The following STARD3NL variants were observed in gnomAD, a reference collection of about 807,000 sequenced individuals.
The protein encoded by STARD3NL is STARD3 N-terminal-like protein.
STARD3NL carries 17 observed loss-of-function variants against 30.9 expected under a neutral mutation model. The observed-to-expected ratio is 0.55, with a 90% CI of 0.38 to 0.82. STARD3NL has a LOEUF of 0.82. Ranked by LOEUF, STARD3NL falls within the 40% of genes least tolerant of loss-of-function variation. The pLI is 0.00. For synonymous variants in STARD3NL, 112 were observed against 100.5 expected (o/e 1.11, Z -0.69); for missense variants, 234 against 277.6 (o/e 0.84, Z 1.12).
chr7:38,192,839 A>G (rs781431924), intron 1 of STARD3NL, among the ~76,000 whole-genome samples: 1 of 151,986 alleles, frequency 6.6e-6, no homozygotes, highest in Non-Finnish European at 1.5e-5. Context: ...CTTTCCACAC[A>G]TATAGCCCCT....
chr7:38,229,588 T>G (rs1786981258), intron 8 of STARD3NL, among the ~76,000 whole-genome samples: 1 of 152,168 alleles, frequency 6.6e-6, no homozygotes, highest in Admixed American at 6.5e-5. Flanking sequence ...TGTGAGTCAT[T>G]GGGAAGCTGG....
chr7:38,203,152 G>A (rs933854900), intron 1 of STARD3NL, among the ~76,000 whole-genome samples: 6 of 152,104 alleles, frequency 3.9e-5, no homozygotes, highest in African/African-American at 1.2e-4. Context: ...GATACTCCTC[G>A]AGAAGAGCAA....
At chr7:38,204,138 A>G (rs1785325971) in intron 1 of STARD3NL, among the ~76,000 whole-genome samples, 1 of 152,220 alleles carries the variant, frequency 6.6e-6, no homozygotes, top group Non-Finnish European at 1.5e-5. Context: ...AGCAAACCTA[A>G]TAGACGTCTA....
At chr7:38,182,411 C>T (rs1257549081) in intron 1 of STARD3NL, among the ~76,000 whole-genome samples, 4 of 152,130 alleles carry the variant, frequency 2.6e-5, no homozygotes, top group African/African-American at 7.2e-5. Context: ...ATACTAACAA[C>T]GATTTCCACT....
intron 1 of STARD3NL, among the ~76,000 whole-genome samples, chr7:38,189,380 A>G (rs1412978168): frequency 6.6e-6 from 1 of 152,214 alleles, no homozygotes; most frequent in Non-Finnish European, 1.5e-5. Flanking sequence ...TGAAATGTGC[A>G]TCCAAGTGTA....
chr7:38,179,381 C>T (rs775539910), intron 1 of STARD3NL, among the ~76,000 whole-genome samples: 1 of 152,144 alleles, frequency 6.6e-6, no homozygotes, highest in African/African-American at 2.4e-5. Context: ...AATATGTTGT[C>T]GTGTAGAAGT....
intron 7 of STARD3NL, among the ~76,000 whole-genome samples, chr7:38,222,141 TCACACACACACACACACACACA>T (rs3223376): frequency 2.1e-5 from 3 of 144,304 alleles, no homozygotes; most frequent in East Asian, 2.1e-4. Flanking sequence ...GTTAATATTT[TCACACACACACACACACACACA>T]CACACACACA....
intron 7 of STARD3NL, among the ~76,000 whole-genome samples, chr7:38,226,054 A>G (rs943987776): frequency 6.0e-5 from 9 of 151,252 alleles, no homozygotes; most frequent in Admixed American, 4.6e-4. Context: ...GAGCACTTCA[A>G]CTTTTCTTCA....
At chr7:38,186,290 T>G (rs1784453890) in intron 1 of STARD3NL, among the ~76,000 whole-genome samples, 1 of 152,218 alleles carries the variant, frequency 6.6e-6, no homozygotes, top group Admixed American at 6.5e-5. Context: ...CATCAGGTAT[T>G]TTATAACTGA....
chr7:38,217,620 T>C (rs1341496512), intron 6 of STARD3NL, among the ~76,000 whole-genome samples: 1 of 152,270 alleles, frequency 6.6e-6, no homozygotes, highest in African/African-American at 2.4e-5. Context: ...GGTTGTTCTT[T>C]TCTCCCTGTT....
intron 2 of STARD3NL, among the ~76,000 whole-genome samples, chr7:38,211,259 A>G (rs907340649): frequency 2.6e-5 from 4 of 152,212 alleles, no homozygotes; most frequent in Admixed American, 2.0e-4. Flanking sequence ...GATGAGGTAG[A>G]TCAGTGGCTT....
At chr7:38,218,692 C>A (rs955291615) in intron 6 of STARD3NL, among the ~76,000 whole-genome samples, 5 of 152,206 alleles carry the variant, frequency 3.3e-5, no homozygotes, top group African/African-American at 1.2e-4. Flanking sequence ...CCTGGTGCTT[C>A]CTCCGACTTT....
chr7:38,210,750 T>C (rs902431594), intron 2 of STARD3NL, among the ~76,000 whole-genome samples: 15 of 152,178 alleles, frequency 9.9e-5, no homozygotes, highest in Admixed American at 2.0e-4. Context: ...TTGAAAGGAA[T>C]TTGGTTTTCT....
intron 7 of STARD3NL, among the ~76,000 whole-genome samples, chr7:38,225,172 C>A (rs1786684901): frequency 6.6e-6 from 1 of 152,084 alleles, no homozygotes; most frequent in African/African-American, 2.4e-5. Context: ...TATCTCAAGT[C>A]TTTTGCCATA....
rs191021371 is a variant in STARD3NL at position 38,218,765 on chromosome 7, A to G, written c.554-800A>G. Among the ~76,000 whole-genome samples, 3 of 152,314 alleles carry G rather than the reference A, an allele frequency of 2.0e-5. No homozygotes were observed. The East Asian group carries it at 5.8e-4, about 29-fold the overall frequency. ...AAGTGTTGGTGGCCTTGCGTGTGTT[A>G]GTGTTCCTCAGCTGTCCACGTCCTG... On this transcript the variant is annotated intron_variant, in intron 6 of 8. Coordinates refer to ENST00000009041, the MANE Select transcript of STARD3NL (RefSeq NM_032016.4).
chr7:38,223,007 C>T (rs906293547), intron 7 of STARD3NL, among the ~76,000 whole-genome samples: 3 of 152,130 alleles, frequency 2.0e-5, no homozygotes, highest in African/African-American at 7.2e-5. Context: ...TGTTGCCCTG[C>T]TACAGCACTG....
At chr7:38,197,136 T>TTTTTTCTTTCTTTCTTTCTTTCTTTC (rs377342892) in intron 1 of STARD3NL, among the ~76,000 whole-genome samples, 4 of 112,380 alleles carry the variant, frequency 3.6e-5, no homozygotes, top group African/African-American at 1.4e-4. Flanking sequence ...GCATTACCTT[T>TTTTTTCTTTCTTTCTTTCTTTCTTTC]TTTCTTTCTT....
chr7:38,198,490 A>G (rs1785027228), intron 1 of STARD3NL: 2 of 152,274 alleles, frequency 1.3e-5, no homozygotes, highest in Non-Finnish European at 1.5e-5. Context: ...ACACTGTACA[A>G]GACCAAGAAA....
chr7:38,189,299 G>A (rs1045413183), intron 1 of STARD3NL, among the ~76,000 whole-genome samples: 1 of 152,170 alleles, frequency 6.6e-6, no homozygotes, highest in African/African-American at 2.4e-5. Context: ...AATATATAAA[G>A]ATGTTACCAT....
Sources: allele counts gnomAD v4.1 joint callset (sites outside exome capture counted in the v4.1 genomes callset), GRCh38; gene constraint gnomAD v4.1.1; transcripts MANE v1.5; gene names NCBI Gene and HGNC (gene_info 2026-07-23, HGNC 2026-07-21).